ANKRD44: variants seen among roughly 807,000 people sequenced by gnomAD.
ANKRD44 encodes the protein serine/threonine-protein phosphatase 6 regulatory ankyrin repeat subunit B.
A neutral mutation model predicts 116.0 loss-of-function variants in ANKRD44; 35 were observed. That is an observed-to-expected ratio of 0.30 (90% CI 0.23 to 0.40). The LOEUF is 0.40. ANKRD44 is among the 10% of genes least tolerant of loss of function. The probability of loss-of-function intolerance (pLI) is 1.00; values close to 1 mark genes in which losing one functional copy is unlikely to be tolerated. For missense variants in ANKRD44, 1,014 were observed against 1,242.6 expected (o/e 0.82, Z 2.77); for synonymous variants, 435 against 461.8 (o/e 0.94, Z 0.74).
chr2:197,044,849 A>T (rs891668153), intron 16 of ANKRD44, among the ~76,000 whole-genome samples: 3 of 152,190 alleles, frequency 2.0e-5, no homozygotes, highest in Non-Finnish European at 4.4e-5. Flanking sequence ...TATAAAAAGG[A>T]AGTTTTATGC....
At chr2:197,292,809 T>C (rs1162528380) in intron 1 of ANKRD44, among the ~76,000 whole-genome samples, 1 of 152,176 alleles carries the variant, frequency 6.6e-6, no homozygotes, top group African/African-American at 2.4e-5. Context: ...CAAGATGCTT[T>C]AAACCAAGAG....
intron 1 of ANKRD44, among the ~76,000 whole-genome samples, chr2:197,295,377 A>G (rs757791963): frequency 1.3e-5 from 2 of 152,264 alleles, no homozygotes; most frequent in Non-Finnish European, 2.9e-5. Flanking sequence ...CTGCTGTTGT[A>G]GCGCCCATAG....
At position 196,998,090 on chromosome 2, in the gene ANKRD44, A is replaced by C. The variant is rs763581077; in HGVS notation, c.2748+247T>G. ...GACAGACAGACTACAGCAAGAATGC[A>C]AGTGGCAAATGCCATGAAAAGCATG... On this transcript the variant is annotated intron_variant, in intron 25 of 27. Coordinates refer to ENST00000282272, the MANE Select transcript of ANKRD44 (RefSeq NM_001195144.2). 4.6e-5 allele frequency among the ~76,000 whole-genome samples: 7 copies of C among 152,236 alleles called. No homozygotes were observed. In the South Asian group the frequency reaches 1.4e-3, roughly 31 times the overall value.
chr2:197,260,932 T>G (rs2082587224), intron 1 of ANKRD44, among the ~76,000 whole-genome samples: 2 of 137,576 alleles, frequency 1.5e-5, no homozygotes, highest in East Asian at 2.1e-4. Flanking sequence ...TTGTTTGTTT[T>G]TTTCTTGTAA....
chr2:197,158,645 C>G (rs188042203), intron 2 of ANKRD44, among the ~76,000 whole-genome samples: 1 of 152,232 alleles, frequency 6.6e-6, no homozygotes, highest in East Asian at 1.9e-4. Flanking sequence ...GTGTCAGGAT[C>G]AAAATCACAG....
chr2:197,068,786 A>T (rs1332638182), intron 16 of ANKRD44, among the ~76,000 whole-genome samples: 3 of 152,266 alleles, frequency 2.0e-5, no homozygotes, highest in Admixed American at 1.3e-4. Flanking sequence ...CAGTCATTAA[A>T]GTCAGGAAAC....
At chr2:197,207,799 A>T (rs1374133527) in intron 1 of ANKRD44, among the ~76,000 whole-genome samples, 1 of 152,214 alleles carries the variant, frequency 6.6e-6, no homozygotes, top group Non-Finnish European at 1.5e-5. Context: ...GAATAATCCC[A>T]ACCTTAACAT....
rs184564156 is a variant in ANKRD44 at position 196,996,134 on chromosome 2, C to T, written c.2749-673G>A. On this transcript the variant is annotated intron_variant, in intron 25 of 27. Coordinates refer to ENST00000282272, the MANE Select transcript of ANKRD44 (RefSeq NM_001195144.2). Reference sequence around the variant, plus strand: ...TAAGCCCTTGCTAATCAACATGTGGCGTGCAGACCAGTCACATTAGTATTA... The same window carrying T: ...TAAGCCCTTGCTAATCAACATGTGGTGTGCAGACCAGTCACATTAGTATTA... Among the ~76,000 whole-genome samples, 325 of 152,296 alleles carry T rather than the reference C, an allele frequency of 2.1e-3. 1 individual carries two copies. The highest frequency in any genetic ancestry group is 3.9e-3 in the Non-Finnish European group (263 of 68,020).
rs2078315113 is a variant in ANKRD44 at position 197,102,421 on chromosome 2, A to G, written c.986-2491T>C. Among the ~76,000 whole-genome samples, 3 of 152,184 alleles carry G rather than the reference A, an allele frequency of 2.0e-5. No individual in the cohort carries two copies. In the South Asian group the frequency reaches 6.2e-4, roughly 31 times the overall value. ...CTCTCTGTAGGCACGGTGCAATTTT[A>G]CACTCTAACCAGCACAGTATGAGAG... On this transcript the variant is annotated intron_variant, in intron 9 of 27. Transcript: ENST00000282272.
intron 22 of ANKRD44, among the ~76,000 whole-genome samples, chr2:197,001,318 A>T (rs2076110737): frequency 6.6e-6 from 1 of 152,252 alleles, no homozygotes; most frequent in Non-Finnish European, 1.5e-5. Context: ...AGCAAAAATT[A>T]AATTTATCAG....
intron 10 of ANKRD44, among the ~76,000 whole-genome samples, chr2:197,092,100 T>C (rs1414981247): frequency 2.0e-5 from 3 of 152,344 alleles, no homozygotes; most frequent in Admixed American, 1.3e-4. Flanking sequence ...ATGTGCTGAA[T>C]TGTGGCTCAT....
chr2:197,289,302 C>T (rs1022227004), intron 1 of ANKRD44, among the ~76,000 whole-genome samples: 1 of 152,144 alleles, frequency 6.6e-6, no homozygotes, highest in Non-Finnish European at 1.5e-5. Context: ...GAGAAACTAA[C>T]CCATATGTAT....
chr2:197,116,903 A>T (rs1485661873), intron 8 of ANKRD44, among the ~76,000 whole-genome samples: 1 of 151,946 alleles, frequency 6.6e-6, no homozygotes, highest in Non-Finnish European at 1.5e-5. Flanking sequence ...CCCTAAGCCT[A>T]CTCTTCCTCC....
chr2:197,048,892 T>C (rs2077053833), intron 16 of ANKRD44, among the ~76,000 whole-genome samples: 1 of 152,206 alleles, frequency 6.6e-6, no homozygotes, highest in African/African-American at 2.4e-5. Flanking sequence ...TGGAGTGGGA[T>C]GGTATCTCAT....
intron 9 of ANKRD44, among the ~76,000 whole-genome samples, chr2:197,109,026 G>T (rs2078503507): frequency 6.6e-6 from 1 of 152,236 alleles, no homozygotes; most frequent in South Asian, 2.1e-4. Context: ...ATGCGTCATA[G>T]AGATGACCAG....
At chr2:197,273,071 A>G (rs1197606205) in intron 1 of ANKRD44, among the ~76,000 whole-genome samples, 1 of 152,232 alleles carries the variant, frequency 6.6e-6, no homozygotes, top group African/African-American at 2.4e-5. Flanking sequence ...AGCCAATACA[A>G]ACTTTTTTTT....
In ANKRD44 at chr2:197,206,664, G is replaced by A. The variant is rs946434365; in HGVS notation, c.28-19558C>T. On this transcript the variant is annotated intron_variant, in intron 1 of 27. Coordinates refer to ENST00000282272, the MANE Select transcript of ANKRD44 (RefSeq NM_001195144.2). The stretch of plus-strand genomic sequence containing the variant: ...TGGGAGGCAGAGATTGCAGTGAGCC[G>A]ACATGGCGCCACTACACTCCAGCCT... Among the ~76,000 whole-genome samples, 56 of 152,268 alleles carry A rather than the reference G, an allele frequency of 3.7e-4. No individual in the cohort carries two copies. The Middle Eastern group carries it at 0.01, about 28-fold the overall frequency.
Position 196,970,982 on chromosome 2 carries a change from C to T in ANKRD44, c.2369-3536G>A, listed in dbSNP as rs368034735. On this transcript the variant is annotated intron_variant, in intron 21 of 21. Transcript: ENST00000424317. ...CCTCCCAAAGTCCTAGGATTACAGG[C>T]ATAAGCCACCACGACTGGCCAATAT... 3.3e-5 allele frequency among the ~76,000 whole-genome samples: 5 copies of T among 152,232 alleles called. No homozygotes were observed. In the East Asian group the frequency reaches 5.8e-4, roughly 18 times the overall value.
At chr2:197,074,249 G>A (rs2077618270) in intron 16 of ANKRD44, among the ~76,000 whole-genome samples, 1 of 152,210 alleles carries the variant, frequency 6.6e-6, no homozygotes, top group Non-Finnish European at 1.5e-5. Flanking sequence ...CCCCTTGGCA[G>A]GCTGCCTGCT....
Sources: allele counts gnomAD v4.1 joint callset (sites outside exome capture counted in the v4.1 genomes callset), GRCh38; gene constraint gnomAD v4.1.1; transcripts MANE v1.5; gene names NCBI Gene and HGNC (gene_info 2026-07-23, HGNC 2026-07-21).